Variants in PCDHA11 observed in about 807,000 individuals in gnomAD.
PCDHA11 encodes protocadherin alpha 11, also known as protocadherin alpha-11.
PCDHA11 carries 61 observed loss-of-function variants against 70.3 expected under a neutral mutation model. That is an observed-to-expected ratio of 0.87 (90% confidence interval 0.71 to 1.07). The LOEUF (loss-of-function observed/expected upper bound fraction) is 1.07. PCDHA11 is among the 50% of genes least tolerant of loss of function. The pLI, the probability that PCDHA11 is intolerant of heterozygous loss-of-function variation, is 0.00. For synonymous variants in PCDHA11, 633 were observed against 555.1 expected, an observed-to-expected ratio of 1.14 and a Z score of -1.97; for missense variants, 1,324 against 1,237.5, an observed-to-expected ratio of 1.07 and a Z score of -1.05.
At chr5:140,884,173 C>T in intron 1 of PCDHA11, 1 of 1,613,432 alleles carries the variant, frequency 6.2e-7, no homozygotes, top group Non-Finnish European at 8.5e-7. Context: ...GCACGACGCG[C>T]CCTCTGGACG....
chr5:140,966,862 G>T (rs782810195), intron 1 of PCDHA11: 1 of 1,562,198 alleles, frequency 6.4e-7, no homozygotes. Context: ...TGCTGCTGTT[G>T]CTGCTGCTGC....
chr5:140,926,767 C>T (rs1323702990), intron 1 of PCDHA11: 8 of 1,358,906 alleles, frequency 5.9e-6, no homozygotes, highest in Admixed American at 3.2e-5. Context: ...AGTATCCAGC[C>T]CGCAGCAGTG....
chr5:140,964,600 A>G (rs1322521285), intron 1 of PCDHA11, among the ~76,000 whole-genome samples: 1 of 152,104 alleles, frequency 6.6e-6, no homozygotes, highest in Non-Finnish European at 1.5e-5. Flanking sequence ...TTTCATGACA[A>G]CTTACAACTT....
At chr5:140,875,888 A>G (rs782107591) in intron 1 of PCDHA11, 3 of 1,614,076 alleles carry the variant, frequency 1.9e-6, no homozygotes, top group Non-Finnish European at 2.5e-6. Context: ...AGGGAACAAA[A>G]GGTACCTGTT....
intron 1 of PCDHA11, among the ~76,000 whole-genome samples, chr5:140,948,865 C>A (rs1358865868): frequency 1.3e-5 from 2 of 151,324 alleles, no homozygotes; most frequent in Non-Finnish European, 3.0e-5. Context: ...TATATTACTT[C>A]GGGTTTACTT....
At chr5:140,892,349 T>C (rs1266203354) in intron 1 of PCDHA11, among the ~76,000 whole-genome samples, 2 of 152,248 alleles carry the variant, frequency 1.3e-5, no homozygotes, top group Admixed American at 6.5e-5. Context: ...TAATTGACTT[T>C]TGCCAGGCAT....
chr5:140,936,744 T>A (rs1204618787), intron 1 of PCDHA11, among the ~76,000 whole-genome samples: 5 of 152,216 alleles, frequency 3.3e-5, no homozygotes, highest in Non-Finnish European at 5.9e-5. Context: ...AACTTTTCAT[T>A]TGTATTGATA....
At position 140,978,971 on chromosome 5, in the gene PCDHA11, G is replaced by T. The variant is rs782774245; in HGVS notation, c.2414G>T (p.Trp805Leu). Residue 805 changes from tryptophan (W) to leucine (L), a missense_variant, in exon 2 of 4, where the codon TGG becomes TTG. Physicochemically the swap from Trp to Leu is moderately conservative, Grantham distance 61 (BLOSUM62 -2). Coordinates refer to ENST00000398640, the MANE Select transcript of PCDHA11 (RefSeq NM_018902.5). ...PGQPRQPNPD[W>L]RYSASLRAGM... is the part of the protein sequence containing the mutation. ...CAGCCACGACAGCCCAACCCTGACT[G>T]GCGTTACTCTGCCTCCCTGAGAGCA... The T allele has an allele frequency of 6.2e-7, 1 of 1,614,170 alleles. No individual in the cohort carries two copies. The highest frequency in any genetic ancestry group is 1.1e-5 in the South Asian group (1 of 91,076).
At chr5:140,942,539 TG>T (rs1370746759) in intron 1 of PCDHA11, among the ~76,000 whole-genome samples, 2 of 151,338 alleles carry the variant, frequency 1.3e-5, no homozygotes, top group Admixed American at 6.6e-5. Flanking sequence ...CTCAGTATGG[TG>T]GGGGGTAGGG....
At chr5:140,899,693 A>G (rs1269311819) in intron 1 of PCDHA11, among the ~76,000 whole-genome samples, 1 of 152,240 alleles carries the variant, frequency 6.6e-6, no homozygotes, top group East Asian at 1.9e-4. Flanking sequence ...TGCTGGCCTC[A>G]TAAAATGAGT....
At chr5:140,960,068 T>C (rs144291604) in intron 1 of PCDHA11, among the ~76,000 whole-genome samples, 1 of 152,358 alleles carries the variant, frequency 6.6e-6, no homozygotes, top group African/African-American at 2.4e-5. Flanking sequence ...GAAGATTCAA[T>C]TGAAGTTTCT....
intron 1 of PCDHA11, among the ~76,000 whole-genome samples, chr5:140,903,182 G>A (rs1030121963): frequency 1.3e-5 from 2 of 152,164 alleles, no homozygotes; most frequent in Non-Finnish European, 2.9e-5. Flanking sequence ...CCCACCAATA[G>A]TATAAAAGAG....
At chr5:140,957,897 C>A (rs1563294637) in intron 1 of PCDHA11, among the ~76,000 whole-genome samples, 2 of 151,908 alleles carry the variant, frequency 1.3e-5, no homozygotes, top group East Asian at 3.9e-4. Context: ...TGGCATCAAC[C>A]AAGGCATATT....
In PCDHA11 at chr5:140,869,539, A is replaced by G. The variant is rs782023058; in HGVS notation, c.436A>G (p.Lys146Glu). The G allele has an allele frequency of 2.5e-6, 4 of 1,614,088 alleles. No homozygotes were observed. The South Asian group carries it at 3.3e-5, about 13-fold the overall frequency. The change falls in exon 1 of 4, where the codon AAG becomes GAG. Residue 146 changes from lysine (K) to glutamate (E), a missense_variant. Physicochemically the swap from Lys to Glu is moderately conservative, Grantham distance 56. Coordinates refer to ENST00000398640, the MANE Select transcript of PCDHA11 (RefSeq NM_018902.5). ...ACAAAAGCTGCTGATTGCGGAATCT[A>G]AGCAATCGGACTCGCGTTTTCCACT... Reference protein sequence around the residue: ...REQKLLIAESKQSDSRFPLEG... With the variant: ...REQKLLIAESEQSDSRFPLEG...
intron 1 of PCDHA11, chr5:140,927,999 C>T: frequency 6.2e-7 from 1 of 1,614,174 alleles, no homozygotes; most frequent in Non-Finnish European, 8.5e-7. Flanking sequence ...ATGAAGACCT[C>T]GATTCTAATG....
intron 1 of PCDHA11, among the ~76,000 whole-genome samples, chr5:140,914,155 A>G (rs1432406316): frequency 6.6e-6 from 1 of 152,188 alleles, no homozygotes; most frequent in Admixed American, 6.5e-5. Flanking sequence ...GTTCTGTCCA[A>G]TACGGAAAGT....
chr5:140,989,633 A>AGG (rs2097351730), intron 3 of PCDHA11, among the ~76,000 whole-genome samples: 1 of 152,226 alleles, frequency 6.6e-6, no homozygotes. Flanking sequence ...AGTGACAGCA[A>AGG]GGGTCTTTCA....
At chr5:140,965,851 A>C (rs1257954575) in intron 1 of PCDHA11, among the ~76,000 whole-genome samples, 1 of 152,252 alleles carries the variant, frequency 6.6e-6, no homozygotes, top group Non-Finnish European at 1.5e-5. Flanking sequence ...GCCAAGGCAC[A>C]CACTGAAAAT....
chr5:140,967,762 G>A, intron 1 of PCDHA11: 1 of 1,614,216 alleles, frequency 6.2e-7, no homozygotes, highest in Non-Finnish European at 8.5e-7. Flanking sequence ...CCTCCTACCA[G>A]ATCTATGTGC....
Sources: allele counts gnomAD v4.1 joint callset (sites outside exome capture counted in the v4.1 genomes callset), GRCh38; gene constraint gnomAD v4.1.1; transcripts MANE v1.5; gene names NCBI Gene and HGNC (gene_info 2026-07-23, HGNC 2026-07-21).